Variants in TRHDE observed in about 807,000 individuals in gnomAD.
TRHDE encodes thyrotropin-releasing hormone-degrading ectoenzyme.
Under a neutral mutation model 125.7 loss-of-function variants are expected in TRHDE, and 72 were observed. The ratio of observed to expected loss-of-function variants is 0.57; its 90% CI spans 0.47 to 0.70. TRHDE has a LOEUF of 0.70. TRHDE is among the 30% of genes least tolerant of loss of function. The pLI, the probability that TRHDE is intolerant of heterozygous loss-of-function variation, is 0.00. For missense variants in TRHDE, 1,110 were observed against 1,327.1 expected, an observed-to-expected ratio of 0.84 and a Z score of 2.54; for synonymous variants, 509 against 509.1, an observed-to-expected ratio of 1.00 and a Z score of 0.00.
chr12:72,456,286 A>G (rs1875848951), intron 3 of TRHDE, among the ~76,000 whole-genome samples: 1 of 151,790 alleles, frequency 6.6e-6, no homozygotes, highest in African/African-American at 2.4e-5. Context: ...GCCAGGCTGT[A>G]AGGGTTCCAT....
intron 12 of TRHDE, among the ~76,000 whole-genome samples, chr12:72,604,888 C>A (rs1479692755): frequency 6.6e-6 from 1 of 151,962 alleles, no homozygotes; most frequent in African/African-American, 2.4e-5. Context: ...CCATTAATGT[C>A]TTCTAATTGT....
intron 2 of TRHDE, among the ~76,000 whole-genome samples, chr12:72,215,542 C>G (rs1489543056): frequency 6.6e-6 from 1 of 152,206 alleles, no homozygotes; most frequent in Non-Finnish European, 1.5e-5. Context: ...ATACACTTTT[C>G]TGCCACTTCA....
chr12:72,576,008 T>C (rs1002453760), intron 12 of TRHDE, among the ~76,000 whole-genome samples: 1 of 152,186 alleles, frequency 6.6e-6, no homozygotes, highest in Non-Finnish European at 1.5e-5. Context: ...TGACAAAATA[T>C]ATATCAATCT....
intron 10 of TRHDE, among the ~76,000 whole-genome samples, chr12:72,572,136 T>G (rs12304007): frequency 0.27 from 40,264 of 151,776 alleles, 8,044 homozygotes; most frequent in African/African-American, 0.54. Context: ...TTTCACAAAA[T>G]TCGAGTGAGA....
At chr12:72,368,757 CT>C (rs1230342253) in intron 2 of TRHDE, among the ~76,000 whole-genome samples, 2 of 152,128 alleles carry the variant, frequency 1.3e-5, no homozygotes, top group Non-Finnish European at 2.9e-5. Context: ...CTTTGATGTT[CT>C]TTTTCTAAAT....
chr12:72,327,538 G>A (rs1260832974), intron 2 of TRHDE, among the ~76,000 whole-genome samples: 2 of 152,142 alleles, frequency 1.3e-5, no homozygotes, highest in African/African-American at 4.8e-5. Flanking sequence ...TGACCGTAGA[G>A]ATTTATTTTC....
chr12:72,462,154 T>C (rs1876153152), intron 3 of TRHDE, among the ~76,000 whole-genome samples: 1 of 152,100 alleles, frequency 6.6e-6, no homozygotes, highest in Non-Finnish European at 1.5e-5. Context: ...TAACTTGGAT[T>C]GTGATTGAGA....
chr12:72,272,365 C>G (rs965848799), upstream of TRHDE: 4 of 369,720 alleles, frequency 1.1e-5, no homozygotes, highest in South Asian at 2.1e-5. The surrounding 1 kb of genome is among the most constrained non-coding windows in gnomAD (Gnocchi z 6.7). Flanking sequence ...GCCGGGTGCT[C>G]GTCCGAGAAG....
upstream of TRHDE, chr12:72,271,905 G>A (rs1256378651): frequency 2.2e-6 from 1 of 456,518 alleles, no homozygotes; most frequent in Admixed American, 2.3e-5. Flanking sequence ...AGGGAGTCTC[G>A]CTGTCGGGTC....
At chr12:72,654,696 G>A (rs909979066) in intron 17 of TRHDE, among the ~76,000 whole-genome samples, 19 of 152,000 alleles carry the variant, frequency 1.3e-4, no homozygotes, top group South Asian at 4.1e-4. Flanking sequence ...CTACATAGGC[G>A]TCCCCTTTTC....
chr12:72,160,709 G>GAAACA (rs201428441), intron 2 of TRHDE, among the ~76,000 whole-genome samples: 1 of 151,800 alleles, frequency 6.6e-6, no homozygotes, highest in African/African-American at 2.4e-5. Context: ...AAAACAAAAT[G>GAAACA]AAACAAAACA....
At chr12:72,145,836 A>T (rs1457129403) in intron 2 of TRHDE, among the ~76,000 whole-genome samples, 1 of 152,182 alleles carries the variant, frequency 6.6e-6, no homozygotes, top group Non-Finnish European at 1.5e-5. Flanking sequence ...CCCCCAGTGC[A>T]TGTAGTGCCC....
At chr12:72,185,942 G>A (rs1478520474) in intron 2 of TRHDE, among the ~76,000 whole-genome samples, 5 of 152,148 alleles carry the variant, frequency 3.3e-5, no homozygotes, top group Admixed American at 2.0e-4. Flanking sequence ...AATCTGATGG[G>A]GACGTGGAGA....
chr12:72,331,984 C>G (rs1490710371), intron 2 of TRHDE, among the ~76,000 whole-genome samples: 2 of 152,248 alleles, frequency 1.3e-5, no homozygotes, highest in African/African-American at 4.8e-5. Flanking sequence ...GTTTTATTGG[C>G]TCACTGTTCT....
intron 2 of TRHDE, among the ~76,000 whole-genome samples, chr12:72,202,617 A>G (rs974136966): frequency 3.3e-5 from 5 of 152,160 alleles, no homozygotes; most frequent in African/African-American, 7.2e-5. Context: ...TTCTTTTTAT[A>G]TAAACCCTCC....
At chr12:72,630,889 A>T (rs1030155371) in intron 15 of TRHDE, among the ~76,000 whole-genome samples, 1 of 149,344 alleles carries the variant, frequency 6.7e-6, no homozygotes, top group African/African-American at 2.4e-5. Context: ...TTCATAGCAA[A>T]AAAAAAAAAA....
At chr12:72,266,054 A>G (rs924856520) in intron 2 of TRHDE, among the ~76,000 whole-genome samples, 1 of 152,066 alleles carries the variant, frequency 6.6e-6, no homozygotes, top group Admixed American at 6.6e-5. Context: ...CTATATTGAT[A>G]AACATTTATG....
In TRHDE at chr12:72,565,938, T is replaced by C. The variant is rs554998626; in HGVS notation, c.2043-2630T>C. Among the ~76,000 whole-genome samples the C allele has an allele frequency of 6.9e-4, 105 of 152,198 alleles. 1 individual carries two copies. The highest frequency in any genetic ancestry group is 4.1e-4 in the South Asian group (2 of 4,832). ...AAACCGAAACAGCTGGAACACAATC[T>C]AATTTCCTAAGTTATTTTTTCTAAT... On this transcript the variant is annotated intron_variant, in intron 9 of 18. Coordinates refer to ENST00000261180, the MANE Select transcript of TRHDE (RefSeq NM_013381.3).
intron 2 of TRHDE, among the ~76,000 whole-genome samples, chr12:72,234,499 A>G (rs1014149395): frequency 6.6e-6 from 1 of 152,188 alleles, no homozygotes; most frequent in African/African-American, 2.4e-5. Flanking sequence ...ATGTGATCTG[A>G]GGGCTCTTTT....
Sources: allele counts gnomAD v4.1 joint callset (sites outside exome capture counted in the v4.1 genomes callset), GRCh38; gene constraint gnomAD v4.1.1; non-coding constraint Gnocchi (gnomAD v3.1); transcripts MANE v1.5; gene names NCBI Gene and HGNC (gene_info 2026-07-23, HGNC 2026-07-21).